The following DACH1 variants were observed in gnomAD, a reference collection of about 807,000 sequenced individuals.
DACH1 encodes the protein dachshund family transcription factor 1.
In DACH1, 12 loss-of-function variants were observed where a neutral mutation model predicts 54.2. The observed-to-expected ratio is 0.22, with a 90% CI of 0.14 to 0.36. The LOEUF is 0.36. Ranked by LOEUF, DACH1 falls within the 10% of genes least tolerant of loss-of-function variation. DACH1 has a pLI of 1.00. For synonymous variants in DACH1, 386 were observed against 366.2 expected, an observed-to-expected ratio of 1.05 and a Z score of -0.62; for missense variants, 805 against 929.8, an observed-to-expected ratio of 0.87 and a Z score of 1.75.
chr13:71,522,353 C>A (rs184721075), intron 6 of DACH1, among the ~76,000 whole-genome samples: 14 of 151,874 alleles, frequency 9.2e-5, no homozygotes, highest in Non-Finnish European at 1.0e-4. Context: ...GATTATAAAT[C>A]AAAAAAACCT....
intron 2 of DACH1, among the ~76,000 whole-genome samples, chr13:71,670,157 C>T (rs193095044): frequency 2.6e-5 from 4 of 152,136 alleles, no homozygotes; most frequent in African/African-American, 7.2e-5. Context: ...TATATCAACA[C>T]GTGAACATGA....
At chr13:71,818,799 C>A (rs1051941207) in intron 1 of DACH1, among the ~76,000 whole-genome samples, 2 of 152,194 alleles carry the variant, frequency 1.3e-5, no homozygotes, top group Non-Finnish European at 2.9e-5. Flanking sequence ...AATAAAGAAG[C>A]TTAGTTTTGA....
chr13:71,735,413 C>T lies in DACH1; in HGVS notation c.849-53503G>A, dbSNP rs139747378. 3.6e-3 allele frequency among the ~76,000 whole-genome samples: 61 copies of T among 16,776 alleles called. 6 individuals are homozygous for T. The highest frequency in any genetic ancestry group is 7.7e-3 in the East Asian group (7 of 908). The allele number at this position is 16,776 out of a possible 152,430, so 11.0% of individuals were successfully genotyped here. A position where few individuals can be genotyped will look rare whatever the true frequency, so the allele number is the denominator to read the frequency against. On this transcript the variant is annotated intron_variant, in intron 1 of 10. Transcript: ENST00000613252. ...GATATACACGTATACGGGATATACA[C>T]GTATATGGGATATACACGTATACGG... is the stretch of plus-strand genomic sequence containing the variant.
chr13:71,742,530 T>C (rs61958974), intron 1 of DACH1, among the ~76,000 whole-genome samples: 5,702 of 152,162 alleles, frequency 0.037, 202 homozygotes, highest in Non-Finnish European at 0.045. Flanking sequence ...ATTTACTCCA[T>C]TGGGGAAAAA....
chr13:71,525,995 C>T (rs1881928326), intron 6 of DACH1, among the ~76,000 whole-genome samples: 1 of 152,096 alleles, frequency 6.6e-6, no homozygotes, highest in Non-Finnish European at 1.5e-5. Flanking sequence ...ACCTTAAAGA[C>T]AAGCTGACAA....
At chr13:71,701,634 A>T (rs1344060086) in intron 1 of DACH1, among the ~76,000 whole-genome samples, 1 of 152,174 alleles carries the variant, frequency 6.6e-6, no homozygotes, top group Non-Finnish European at 1.5e-5. Context: ...ATGAAATCTA[A>T]AATGCACACT....
intron 2 of DACH1, among the ~76,000 whole-genome samples, chr13:71,679,489 A>C (rs750527981): frequency 6.6e-6 from 1 of 152,168 alleles, no homozygotes; most frequent in African/African-American, 2.4e-5. Flanking sequence ...ATATGAATAC[A>C]ATCTAGGATA....
intron 3 of DACH1, among the ~76,000 whole-genome samples, chr13:71,597,045 TTGAAGTGATAAATGTCAC>T (rs1283415812): frequency 6.6e-6 from 1 of 152,156 alleles, no homozygotes. Context: ...AAACTGGTAT[TTGAAGTGATAAATGTCAC>T]TCAAGCCAGT....
chr13:71,592,513 A>AG lies in DACH1; in HGVS notation c.1127-19502_1127-19501insC, dbSNP rs1555299237. Among the ~76,000 whole-genome samples the AG allele has an allele frequency of 8.1e-4, 118 of 145,848 alleles. 1 individual carries two copies. The highest frequency in any genetic ancestry group is 2.9e-3 in the African/African-American group (113 of 39,314). ...CTATCTCAAAAAAAAAAAAAAAAAA[A>AG]AAAAGAAAAGAAAAAAAGAAAAGAA... On this transcript the variant is annotated intron_variant, in intron 3 of 10. Transcript: ENST00000613252.
At chr13:71,787,433 C>T (rs1886642432) in intron 1 of DACH1, among the ~76,000 whole-genome samples, 1 of 152,084 alleles carries the variant, frequency 6.6e-6, no homozygotes, top group Non-Finnish European at 1.5e-5. Context: ...ACACATATTC[C>T]TTCTCTTCCC....
chr13:71,681,901 A>G lies in DACH1; in HGVS notation c.858T>C (p.Pro286=). The change falls in exon 2 of 11, where the codon CCT becomes CCC. Residue 286 remains proline (P), a synonymous_variant. Coordinates refer to ENST00000613252, the MANE Select transcript of DACH1 (RefSeq NM_080759.6). The part of the protein sequence containing the change: ...YNDCTNASSR[P]GRPPKRTQSV... ...TTTGAGTCCTCTTAGGAGGCCTTCC[A>G]GGTCTAGAACTGAAACAAACAAACA... 6.2e-7 allele frequency: 1 copy of G among 1,611,012 alleles called. No homozygotes were observed. Among genetic ancestry groups the G allele is most frequent in the Non-Finnish European group, 8.5e-7 (1 of 1,177,846 alleles).
intron 1 of DACH1, among the ~76,000 whole-genome samples, chr13:71,767,396 CTGAA>C (rs1310547401): frequency 6.6e-6 from 1 of 151,988 alleles, no homozygotes; most frequent in African/African-American, 2.4e-5. Flanking sequence ...TAAAGAGAAT[CTGAA>C]TGACCACATA....
intron 1 of DACH1, among the ~76,000 whole-genome samples, chr13:71,744,211 C>T (rs1178260982): frequency 6.6e-6 from 1 of 152,178 alleles, no homozygotes; most frequent in Non-Finnish European, 1.5e-5. Context: ...GATAAACTGA[C>T]TACCTCATAA....
rs1873926144 is a variant in DACH1 at position 71,440,572 on chromosome 13, T to C, written c.*83A>G. The C allele has an allele frequency of 2.6e-6, 3 of 1,132,478 alleles. No homozygotes were observed. The highest frequency in any genetic ancestry group is 2.8e-5 in the South Asian group (2 of 70,732). 70.2% of individuals were successfully genotyped at this position (1,132,478 alleles called of 1,614,324 possible). On this transcript the variant is annotated 3_prime_UTR_variant, in exon 11 of 11. Coordinates refer to ENST00000613252, the MANE Select transcript of DACH1 (RefSeq NM_080759.6). ...TTCAGGAAGTTCCCTTAAAAGGACTTTATTTTTTTCTGAACTTTCCCATGA... is the reference window on the plus strand; with the variant it reads ...TTCAGGAAGTTCCCTTAAAAGGACTCTATTTTTTTCTGAACTTTCCCATGA...
In DACH1 at chr13:71,615,860, T is replaced by C. The variant is rs1476624359; in HGVS notation, c.1126+14696A>G. Among the ~76,000 whole-genome samples, 3 of 152,158 alleles carry C rather than the reference T, an allele frequency of 2.0e-5. No homozygotes were observed. In the East Asian group the frequency reaches 5.8e-4, roughly 29 times the overall value. On this transcript the variant is annotated intron_variant, in intron 3 of 10. Transcript: ENST00000613252. ...GTGTGTGTATGTACACCTTTATTATTTTACTTCTATTACCTACTTAAGAAA... is the reference window on the plus strand; with the variant it reads ...GTGTGTGTATGTACACCTTTATTATCTTACTTCTATTACCTACTTAAGAAA...
At position 71,748,904 on chromosome 13, in the gene DACH1, CTT is replaced by C. The variant is rs1491224091; in HGVS notation, c.849-66996_849-66995del. ...TTTCTTTCTTTCTTTCTTTCTCTTTCTTTCTTTCTTTCTTTCTTTCTTTCTTT... is the reference window on the plus strand; with the variant it reads ...TTTCTTTCTTTCTTTCTTTCTCTTTCTCTTTCTTTCTTTCTTTCTTTCTTT... On this transcript the variant is annotated intron_variant, in intron 1 of 10. Coordinates refer to ENST00000613252, the MANE Select transcript of DACH1 (RefSeq NM_080759.6). Among the ~76,000 whole-genome samples the C allele has an allele frequency of 9.8e-3, 265 of 27,084 alleles. 3 individuals carry two copies. Among genetic ancestry groups the C allele is most frequent in the African/African-American group, 0.019 (202 of 10,624 alleles). 17.8% of individuals were successfully genotyped at this position (27,084 alleles called of 152,430 possible).
chr13:71,717,909 A>T (rs966808105), intron 1 of DACH1, among the ~76,000 whole-genome samples: 2 of 152,052 alleles, frequency 1.3e-5, no homozygotes, highest in African/African-American at 4.8e-5. Flanking sequence ...AAAAACACAG[A>T]AATCAAGTAC....
At chr13:71,686,319 A>G (rs1207924313) in intron 1 of DACH1, among the ~76,000 whole-genome samples, 1 of 152,132 alleles carries the variant, frequency 6.6e-6, no homozygotes, top group African/African-American at 2.4e-5. Flanking sequence ...GAACTCACCC[A>G]AGCACACTTT....
chr13:71,540,983 T>C (rs140706691), intron 6 of DACH1, among the ~76,000 whole-genome samples: 9 of 152,066 alleles, frequency 5.9e-5, no homozygotes, highest in African/African-American at 9.6e-5. Flanking sequence ...AATGCTATGT[T>C]TTTTATTTTA....
Sources: gnomAD v4.1 joint callset for allele counts (sites outside exome capture counted in the v4.1 genomes callset) on GRCh38, gnomAD v4.1.1 for gene constraint, MANE v1.5 for transcripts, NCBI Gene and HGNC (gene_info 2026-07-23, HGNC 2026-07-21) for gene names.